AOPEP: variants seen among roughly 807,000 people sequenced by gnomAD.
AOPEP encodes the protein aminopeptidase O.
A neutral mutation model predicts 98.1 loss-of-function variants in AOPEP; 77 were observed. The ratio of observed to expected loss-of-function variants is 0.78; its 90% confidence interval spans 0.65 to 0.95. AOPEP has a LOEUF of 0.95. Ranked by LOEUF, AOPEP falls within the 40% of genes least tolerant of loss-of-function variation. AOPEP has a pLI of 0.00. For missense variants in AOPEP, 1,024 were observed against 1,024.7 expected, an observed-to-expected ratio of 1.00 and a Z score of 0.01; for synonymous variants, 346 against 365.3, an observed-to-expected ratio of 0.95 and a Z score of 0.60.
intron 5 of AOPEP, among the ~76,000 whole-genome samples, chr9:94,828,962 G>A (rs1403916029): frequency 2.0e-5 from 3 of 151,498 alleles, no homozygotes; most frequent in African/African-American, 7.3e-5. Context: ...TCTGCCTCCC[G>A]GGTTCAGGTG....
chr9:95,103,680 T>G, the AOPEP span, among the ~76,000 whole-genome samples: 1 of 152,060 alleles, frequency 6.6e-6, no homozygotes, highest in African/African-American at 2.4e-5. Flanking sequence ...TGGATGGCGT[T>G]CTGGGGAAAA....
At position 94,980,812 on chromosome 9, in the gene AOPEP, A is replaced by G. The variant is rs937170001; in HGVS notation, c.1977+1385A>G. Among the ~76,000 whole-genome samples the G allele has an allele frequency of 5.3e-5, 8 of 152,260 alleles. No homozygotes were observed. The highest frequency in any genetic ancestry group is 1.2e-4 in the Non-Finnish European group (8 of 68,028). ...GCTCTGAGACGGTGACTTCCAAACC[A>G]GACTACTCACTGAGGACAAACATCC... On this transcript the variant is annotated intron_variant, in intron 11 of 16. Coordinates refer to ENST00000375315, the MANE Select transcript of AOPEP (RefSeq NM_001193329.3). The surrounding 1 kb of genome is among the most constrained non-coding windows in gnomAD (Gnocchi z 4.3).
chr9:94,857,068 CT>C (rs1224155026), intron 5 of AOPEP, among the ~76,000 whole-genome samples: 2 of 152,184 alleles, frequency 1.3e-5, no homozygotes, highest in Non-Finnish European at 2.9e-5. Flanking sequence ...AAGTGAAGTA[CT>C]TTAAAGTTTT....
chr9:94,794,645 A>G (rs913537714), intron 4 of AOPEP, among the ~76,000 whole-genome samples: 82 of 152,274 alleles, frequency 5.4e-4, no homozygotes, highest in African/African-American at 1.9e-3. Flanking sequence ...TTCCTGAGCT[A>G]TATGAACATC....
chr9:94,793,834 C>T (rs1166272879), intron 4 of AOPEP, among the ~76,000 whole-genome samples: 2 of 152,218 alleles, frequency 1.3e-5, no homozygotes, highest in South Asian at 2.1e-4. Flanking sequence ...AAGGAATCCT[C>T]AGATTCAATG....
chr9:94,789,082 A>G lies in AOPEP; in HGVS notation c.965-3683A>G, dbSNP rs769063271. ...TGGGTCTTATCTTTCCCTACTGCCA[A>G]CTTAGGATTCAGGTCTGGATTCAGG... On this transcript the variant is annotated intron_variant, in intron 3 of 16. Transcript: ENST00000375315. Among the ~76,000 whole-genome samples the G allele has an allele frequency of 3.9e-4, 60 of 152,230 alleles. 1 individual carries two copies. Among genetic ancestry groups the G allele is most frequent in the Admixed American group, 1.3e-4 (2 of 15,306 alleles).
the AOPEP span, chr9:95,109,812 G>A: frequency 1.3e-5 from 2 of 152,186 alleles, no homozygotes; most frequent in Non-Finnish European, 2.9e-5. Context: ...AATCACATAC[G>A]AATCATGCTT....
chr9:95,058,311 G>A (rs2067011882), intron 13 of AOPEP, among the ~76,000 whole-genome samples: 1 of 152,214 alleles, frequency 6.6e-6, no homozygotes, highest in South Asian at 2.1e-4. Flanking sequence ...AATCCCAAAT[G>A]AGAGTTCTAA....
At chr9:94,769,229 A>G (rs1332201484) in intron 2 of AOPEP, among the ~76,000 whole-genome samples, 1 of 152,236 alleles carries the variant, frequency 6.6e-6, no homozygotes, top group Non-Finnish European at 1.5e-5. Flanking sequence ...TTCAGAGGAT[A>G]AAACCTTCAC....
intron 5 of AOPEP, among the ~76,000 whole-genome samples, chr9:94,871,983 G>A (rs2135643523): frequency 6.6e-6 from 1 of 152,164 alleles, no homozygotes; most frequent in Non-Finnish European, 1.5e-5. Context: ...ACTCCAGCCT[G>A]GGCAACAGAG....
At chr9:95,003,479 G>A (rs2061699390) in intron 11 of AOPEP, among the ~76,000 whole-genome samples, 1 of 152,204 alleles carries the variant, frequency 6.6e-6, no homozygotes, top group South Asian at 2.1e-4. Context: ...AAAAGGAAGT[G>A]CCTGCCAAGA....
intron 5 of AOPEP, among the ~76,000 whole-genome samples, chr9:94,815,357 C>A (rs1368401656): frequency 3.3e-5 from 5 of 152,164 alleles, no homozygotes; most frequent in Non-Finnish European, 4.4e-5. Flanking sequence ...CATGACAGTG[C>A]AGCTTTTGGA....
At chr9:94,955,032 C>G in intron 7 of AOPEP, 145 bp from the exon 8 acceptor site, 11 of 523,198 alleles carry the variant, frequency 2.1e-5, no homozygotes, top group Non-Finnish European at 3.0e-5. Flanking sequence ...GTATGTAATA[C>G]AAACTGTTCT....
At chr9:94,942,093 A>G (rs2057073061) in intron 7 of AOPEP, among the ~76,000 whole-genome samples, 1 of 152,212 alleles carries the variant, frequency 6.6e-6, no homozygotes, top group Non-Finnish European at 1.5e-5. Context: ...ATGCTATTTG[A>G]CTATAAAATA....
chr9:94,995,383 ATC>A (rs895560578), intron 11 of AOPEP, among the ~76,000 whole-genome samples: 3 of 152,092 alleles, frequency 2.0e-5, no homozygotes, highest in Non-Finnish European at 2.9e-5. Context: ...CCACAGCATT[ATC>A]TCTGTTTCAT....
chr9:94,955,087 CA>C, intron 7 of AOPEP, 89 bp from the exon 8 acceptor site: 1 of 695,450 alleles, frequency 1.4e-6, no homozygotes, highest in Non-Finnish European at 2.5e-6. Flanking sequence ...TGATATTGAG[CA>C]ACTCTGAAAA....
At chr9:94,983,173 G>A (rs1313621171) in intron 11 of AOPEP, among the ~76,000 whole-genome samples, 1 of 152,044 alleles carries the variant, frequency 6.6e-6, no homozygotes, top group African/African-American at 2.4e-5. Flanking sequence ...GACTACAGGC[G>A]GGCACGCATG....
chr9:95,111,541 T>A, the AOPEP span: 1 of 1,613,928 alleles, frequency 6.2e-7, no homozygotes, highest in Non-Finnish European at 8.5e-7. Context: ...CCGTGGGGGG[T>A]TCGGCTGCCG....
intron 7 of AOPEP, chr9:94,932,779 C>T: frequency 2.0e-6 from 2 of 985,278 alleles, no homozygotes; most frequent in African/African-American, 1.7e-5. Context: ...CCACTGCGCC[C>T]AGCCCAGATG....
Sources: gnomAD v4.1 joint callset for allele counts (sites outside exome capture counted in the v4.1 genomes callset) on GRCh38, gnomAD v4.1.1 for gene constraint, Gnocchi (gnomAD v3.1) non-coding constraint, MANE v1.5 for transcripts, NCBI Gene and HGNC (gene_info 2026-07-23, HGNC 2026-07-21) for gene names.